PDE4D: variants seen among roughly 807,000 people sequenced by gnomAD.
PDE4D encodes the protein 3',5'-cyclic-AMP phosphodiesterase 4D.
PDE4D carries 24 observed loss-of-function variants against 87.4 expected under a neutral mutation model. That is an observed-to-expected ratio of 0.27 (90% CI 0.20 to 0.39). The LOEUF (loss-of-function observed/expected upper bound fraction) is 0.39. Among genes scored for constraint, PDE4D ranks in the 10% least tolerant of loss-of-function variants. PDE4D has a pLI of 1.00. For synonymous variants in PDE4D, 384 were observed against 383.2 expected (o/e 1.00, Z -0.02); for missense variants, 714 against 1,041.0 (o/e 0.69, Z 4.32).
At chr5:60,319,331 T>A (rs922449082) in intron 1 of PDE4D, among the ~76,000 whole-genome samples, 1 of 152,236 alleles carries the variant, frequency 6.6e-6, no homozygotes, top group Non-Finnish European at 1.5e-5. Context: ...GGTTTTCACC[T>A]CCATCAGGTC....
rs140491916 is a variant in PDE4D at position 60,074,145 on chromosome 5, T to C, written c.43-85428A>G. Among the ~76,000 whole-genome samples the C allele has an allele frequency of 8.5e-3, 1,300 of 152,282 alleles. 14 individuals carry two copies. Among genetic ancestry groups the C allele is most frequent in the African/African-American group, 0.029 (1,202 of 41,566 alleles). On this transcript the variant is annotated intron_variant, in intron 2 of 16. Transcript: ENST00000502484. The stretch of plus-strand genomic sequence containing the variant: ...TTGTTTATTTTAAATCTTTCTAACT[T>C]TTTGATGTGAGCATTTAGTGCTATA...
intron 1 of PDE4D, among the ~76,000 whole-genome samples, chr5:59,283,294 G>C (rs1766206501): frequency 6.6e-6 from 1 of 152,124 alleles, no homozygotes; most frequent in South Asian, 2.1e-4. Flanking sequence ...TAATTGGTTT[G>C]TGCTTTTGTC....
intron 1 of PDE4D, among the ~76,000 whole-genome samples, chr5:59,611,812 T>C (rs780910090): frequency 2.6e-4 from 39 of 152,194 alleles, no homozygotes; most frequent in Non-Finnish European, 5.0e-4. Flanking sequence ...TAAAACTTCA[T>C]TGATATTGAG....
intron 1 of PDE4D, among the ~76,000 whole-genome samples, chr5:59,282,414 G>A (rs922985888): frequency 2.0e-5 from 3 of 152,002 alleles, no homozygotes; most frequent in Non-Finnish European, 4.4e-5. Context: ...GCCGAGACGG[G>A]TGGATCACCT....
intron 1 of PDE4D, among the ~76,000 whole-genome samples, chr5:59,863,202 C>A (rs1420711124): frequency 6.6e-6 from 1 of 152,120 alleles, no homozygotes; most frequent in East Asian, 1.9e-4. Flanking sequence ...AGTAGCATTT[C>A]TAATACTAAA....
intron 1 of PDE4D, among the ~76,000 whole-genome samples, chr5:59,802,059 A>T (rs1767190669): frequency 6.6e-6 from 1 of 152,196 alleles, no homozygotes. Context: ...AGAAAAAAAA[A>T]GTGGCCCTCT....
At chr5:59,283,501 T>C (rs1199139242) in intron 1 of PDE4D, among the ~76,000 whole-genome samples, 2 of 152,174 alleles carry the variant, frequency 1.3e-5, no homozygotes, top group Non-Finnish European at 2.9e-5. Flanking sequence ...TCAGCCTTTT[T>C]TGTGTGTTAA....
chr5:59,262,251 T>A lies in PDE4D; in HGVS notation c.456-46283A>T, dbSNP rs546621043. ...TGGCAGAACAAGCTTAATAAACACT[T>A]AAATAAAGCAATAAAAAATGCACCT... On this transcript the variant is annotated intron_variant, in intron 1 of 14. Transcript: ENST00000340635. 2.0e-5 allele frequency among the ~76,000 whole-genome samples: 3 copies of A among 151,998 alleles called. No individual in the cohort carries two copies. The South Asian group carries it at 6.2e-4, about 32-fold the overall frequency.
chr5:59,592,029 T>G (rs972916712), intron 1 of PDE4D: 1 of 390,990 alleles, frequency 2.6e-6, no homozygotes, highest in Non-Finnish European at 3.5e-6. Context: ...CATCAACTAA[T>G]AAAGAGGTGA....
At chr5:59,379,500 C>T (rs894890992) in intron 1 of PDE4D, among the ~76,000 whole-genome samples, 24 of 151,632 alleles carry the variant, frequency 1.6e-4, no homozygotes, top group Admixed American at 1.2e-3. Flanking sequence ...CATATATTTA[C>T]GCATCTAATT....
intron 1 of PDE4D, among the ~76,000 whole-genome samples, chr5:59,252,470 A>G (rs975343288): frequency 6.9e-4 from 105 of 152,208 alleles, no homozygotes; most frequent in Non-Finnish European, 8.4e-4. Context: ...GATGCCTTGT[A>G]AATCTTATTT....
chr5:59,953,717 A>G (rs567226201), intron 3 of PDE4D, among the ~76,000 whole-genome samples: 1 of 152,326 alleles, frequency 6.6e-6, no homozygotes, highest in African/African-American at 2.4e-5. Context: ...AACAATTAAT[A>G]TTATATAATT....
chr5:60,029,537 A>C (rs1336606084), intron 2 of PDE4D, among the ~76,000 whole-genome samples: 1 of 152,182 alleles, frequency 6.6e-6, no homozygotes, highest in Non-Finnish European at 1.5e-5. Flanking sequence ...AAAATGTATA[A>C]AACTAAGCTA....
intron 1 of PDE4D, among the ~76,000 whole-genome samples, chr5:60,390,319 C>T (rs773752112): frequency 4.7e-4 from 72 of 152,158 alleles, no homozygotes; most frequent in Non-Finnish European, 7.4e-4. Context: ...ATACGAGCCA[C>T]GTGCAGCAAG....
chr5:59,958,836 T>A (rs1031207000), intron 3 of PDE4D, among the ~76,000 whole-genome samples: 1 of 152,074 alleles, frequency 6.6e-6, no homozygotes, highest in South Asian at 2.1e-4. Flanking sequence ...ACGGAAGTCC[T>A]AGTCAGAGCG....
chr5:59,706,033 T>A (rs1753349414), intron 1 of PDE4D, among the ~76,000 whole-genome samples: 1 of 152,164 alleles, frequency 6.6e-6, no homozygotes, highest in African/African-American at 2.4e-5. Flanking sequence ...GTTTGGTCCA[T>A]CTCTAGACTA....
At chr5:60,277,237 A>T (rs1751465965) in intron 1 of PDE4D, among the ~76,000 whole-genome samples, 1 of 152,112 alleles carries the variant, frequency 6.6e-6, no homozygotes, top group African/African-American at 2.4e-5. Flanking sequence ...CACTCTCGCC[A>T]CTTCTAGTCA....
chr5:60,338,583 A>C (rs2149890929), intron 1 of PDE4D, among the ~76,000 whole-genome samples: 1 of 152,238 alleles, frequency 6.6e-6, no homozygotes, highest in East Asian at 1.9e-4. Context: ...GGTTCCATAC[A>C]CACGACATGT....
intron 1 of PDE4D, among the ~76,000 whole-genome samples, chr5:59,673,200 T>G (rs1332951839): frequency 6.6e-6 from 1 of 152,194 alleles, no homozygotes; most frequent in African/African-American, 2.4e-5. Context: ...GCCCAACTGT[T>G]TGCCTAAGAC....
Sources: allele counts gnomAD v4.1 joint callset (sites outside exome capture counted in the v4.1 genomes callset), GRCh38; gene constraint gnomAD v4.1.1; transcripts MANE v1.5; gene names NCBI Gene and HGNC (gene_info 2026-07-23, HGNC 2026-07-21).